CSMD3: variants seen among roughly 807,000 people sequenced by gnomAD.
CSMD3 encodes the protein CUB and sushi domain-containing protein 3.
In CSMD3, 177 loss-of-function variants were observed where a neutral mutation model predicts 435.2. That is an observed-to-expected ratio of 0.41 (90% confidence interval 0.36 to 0.46). The LOEUF (loss-of-function observed/expected upper bound fraction) is 0.46, where lower values mean the gene tolerates loss of function less well. CSMD3 is among the 20% of genes least tolerant of loss of function. The pLI is 0.34. For missense variants in CSMD3, 4,265 were observed against 4,504.6 expected, an observed-to-expected ratio of 0.95 and a Z score of 1.52; for synonymous variants, 1,656 against 1,520.5, an observed-to-expected ratio of 1.09 and a Z score of -2.07.
At position 113,006,915 on chromosome 8, in the gene CSMD3, G is replaced by C. The variant is rs141551201; in HGVS notation, c.1030+12152C>G. On this transcript the variant is annotated intron_variant, in intron 6 of 70. Coordinates refer to ENST00000297405, the MANE Select transcript of CSMD3 (RefSeq NM_198123.2). ...CCCTGGACATCCCATGACAAAATTA[G>C]CTTAAATGTCAGGACCAGAGAACAT... Among the ~76,000 whole-genome samples the C allele has an allele frequency of 3.4e-4, 51 of 152,042 alleles. No individual in the cohort carries two copies. In the East Asian group the frequency reaches 9.9e-3, roughly 30 times the overall value.
At chr8:113,223,350 A>C (rs2132141595) in intron 3 of CSMD3, among the ~76,000 whole-genome samples, 1 of 150,560 alleles carries the variant, frequency 6.6e-6, no homozygotes, top group Non-Finnish European at 1.5e-5. Context: ...ACCAAGTGCA[A>C]GCTCTATGAC....
intron 32 of CSMD3, among the ~76,000 whole-genome samples, chr8:112,449,597 A>C (rs538332136): frequency 6.6e-6 from 1 of 152,288 alleles, no homozygotes; most frequent in African/African-American, 2.4e-5. Context: ...TGAATTTTCT[A>C]ATGTGCAATC....
intron 31 of CSMD3, among the ~76,000 whole-genome samples, chr8:112,474,089 T>C (rs886624183): frequency 6.6e-6 from 1 of 152,226 alleles, no homozygotes. Context: ...GTGCTATTAA[T>C]AGAGTAGTTT....
intron 13 of CSMD3, among the ~76,000 whole-genome samples, chr8:112,789,669 A>C (rs1463668797): frequency 6.6e-6 from 1 of 152,024 alleles, no homozygotes; most frequent in African/African-American, 2.4e-5. Flanking sequence ...TTTTCACTTA[A>C]TTAAACAAAG....
chr8:113,100,361 A>G (rs1037137208), intron 4 of CSMD3, among the ~76,000 whole-genome samples: 1 of 152,106 alleles, frequency 6.6e-6, no homozygotes, highest in Non-Finnish European at 1.5e-5. Context: ...CAAGACCTAA[A>G]TCTTCTAGTA....
At chr8:112,440,941 G>A (rs1049017824) in intron 32 of CSMD3, among the ~76,000 whole-genome samples, 2 of 152,122 alleles carry the variant, frequency 1.3e-5, no homozygotes, top group African/African-American at 4.8e-5. Context: ...GTCTCTGATG[G>A]GCCCTGGTGA....
At chr8:112,930,182 A>G (rs562462013) in intron 9 of CSMD3, among the ~76,000 whole-genome samples, 1 of 152,276 alleles carries the variant, frequency 6.6e-6, no homozygotes, top group East Asian at 1.9e-4. Flanking sequence ...TCTTTAAGCC[A>G]TAAGGCAAGG....
At chr8:112,927,039 A>C (rs1218148322) in intron 9 of CSMD3, among the ~76,000 whole-genome samples, 1 of 152,182 alleles carries the variant, frequency 6.6e-6, no homozygotes, top group Non-Finnish European at 1.5e-5. Flanking sequence ...AAAAAAATCA[A>C]AACACTAAAC....
intron 10 of CSMD3, among the ~76,000 whole-genome samples, chr8:112,892,645 G>C (rs1354414019): frequency 6.6e-6 from 1 of 151,482 alleles, no homozygotes; most frequent in Admixed American, 6.6e-5. Flanking sequence ...CTCACTGCTT[G>C]CTTGGAATAC....
chr8:112,782,536 T>C (rs2078417500), intron 13 of CSMD3, among the ~76,000 whole-genome samples: 1 of 152,140 alleles, frequency 6.6e-6, no homozygotes, highest in South Asian at 2.1e-4. Context: ...TTCAAAGGGA[T>C]AAAAACAAAG....
chr8:113,312,017 TTTA>T (rs2093873414), intron 2 of CSMD3: 1 of 152,104 alleles, frequency 6.6e-6, no homozygotes, highest in Non-Finnish European at 1.5e-5. Context: ...AAATATACCT[TTTA>T]TTATTATTTC....
intron 1 of CSMD3, among the ~76,000 whole-genome samples, chr8:113,374,437 A>G (rs971447052): frequency 2.0e-5 from 3 of 152,088 alleles, no homozygotes; most frequent in African/African-American, 7.2e-5. Context: ...AATTTTTTCT[A>G]GAGATAAGAA....
intron 18 of CSMD3, among the ~76,000 whole-genome samples, chr8:112,652,818 A>AT (rs931841024): frequency 3.7e-4 from 56 of 150,242 alleles, no homozygotes; most frequent in Middle Eastern, 3.4e-3. Flanking sequence ...GCTTTAGAAG[A>AT]TTTTTTTTTT....
chr8:113,228,460 G>C (rs1173667156), intron 3 of CSMD3, among the ~76,000 whole-genome samples: 1 of 151,196 alleles, frequency 6.6e-6, no homozygotes, highest in Non-Finnish European at 1.5e-5. Flanking sequence ...AAATTCACTG[G>C]AGCTGTACAA....
At position 113,195,765 on chromosome 8, in the gene CSMD3, T is replaced by C. The variant is rs538288525; in HGVS notation, c.515-21849A>G. ...TCTATTTAACTTTTACTTGGATACATATATATAATATTCATATCCTATATT... is the reference window on the plus strand; with the variant it reads ...TCTATTTAACTTTTACTTGGATACACATATATAATATTCATATCCTATATT... On this transcript the variant is annotated intron_variant, in intron 3 of 70. Transcript: ENST00000297405. Among the ~76,000 whole-genome samples, 5 of 145,180 alleles carry C rather than the reference T, an allele frequency of 3.4e-5. No individual in the cohort carries two copies. The South Asian group carries it at 1.1e-3, about 31-fold the overall frequency.
chr8:112,432,109 A>C (rs1343937142), intron 32 of CSMD3, among the ~76,000 whole-genome samples: 2 of 152,104 alleles, frequency 1.3e-5, no homozygotes, highest in African/African-American at 4.8e-5. Flanking sequence ...CAGGTGAAAA[A>C]AAAAATGAGT....
At chr8:113,429,101 G>A (rs1429060661) in intron 1 of CSMD3, among the ~76,000 whole-genome samples, 1 of 151,488 alleles carries the variant, frequency 6.6e-6, no homozygotes, top group Non-Finnish European at 1.5e-5. Flanking sequence ...TCTTAACTTT[G>A]CAAATTTTAC....
chr8:112,409,083 C>T (rs775367310), intron 32 of CSMD3, 51 bp from the exon 33 acceptor site: 36 of 1,608,832 alleles, frequency 2.2e-5, no homozygotes, highest in East Asian at 1.1e-4. Flanking sequence ...CATCCAAAAA[C>T]GAAAACAAAA....
rs147579336 is a variant in CSMD3, at chr8:112,891,469, GT to G, written c.1633+30157del. ...TGAGAAATACTTTAACTGGGCAGAT[GT>G]TTTTTGGAGACAGCTCTAGCAGAGT... On this transcript the variant is annotated intron_variant, in intron 10 of 70. Transcript: ENST00000297405. Among the ~76,000 whole-genome samples, 1,218 of 151,686 alleles carry G rather than the reference GT, an allele frequency of 8.0e-3. 25 individuals are homozygous for G. Among genetic ancestry groups the G allele is most frequent in the African/African-American group, 0.028 (1,155 of 41,464 alleles).
Sources: allele counts gnomAD v4.1 joint callset (sites outside exome capture counted in the v4.1 genomes callset), GRCh38; gene constraint gnomAD v4.1.1; transcripts MANE v1.5; gene names NCBI Gene and HGNC (gene_info 2026-07-23, HGNC 2026-07-21).